CCSER1: variants seen among roughly 807,000 people sequenced by gnomAD.
The protein encoded by CCSER1 is serine-rich coiled-coil domain-containing protein 1.
In CCSER1, 41 loss-of-function variants were observed where a neutral mutation model predicts 82.0. The observed-to-expected ratio is 0.50, with a 90% CI of 0.39 to 0.65. The LOEUF (loss-of-function observed/expected upper bound fraction) is 0.65, where lower values mean the gene tolerates loss of function less well. Among genes scored for constraint, CCSER1 ranks in the 30% least tolerant of loss-of-function variants. The probability of loss-of-function intolerance (pLI) is 0.00; values close to 1 mark genes in which losing one functional copy is unlikely to be tolerated. For synonymous variants in CCSER1, 414 were observed against 383.9 expected, an observed-to-expected ratio of 1.08 and a Z score of -0.92; for missense variants, 1,119 against 1,064.2, an observed-to-expected ratio of 1.05 and a Z score of -0.72.
intron 10 of CCSER1, among the ~76,000 whole-genome samples, chr4:91,453,782 A>G (rs530234779): frequency 6.6e-6 from 1 of 152,226 alleles, no homozygotes; most frequent in African/African-American, 2.4e-5. Context: ...AACAGAAGAA[A>G]TTATATAAAG....
intron 3 of CCSER1, among the ~76,000 whole-genome samples, chr4:90,391,543 TA>T (rs1561153108): frequency 8.1e-6 from 1 of 123,866 alleles, no homozygotes; most frequent in African/African-American, 3.3e-5. Context: ...TGTGTACTCA[TA>T]AAATTAAAAA....
At chr4:90,416,169 CT>C (rs145076503) in intron 4 of CCSER1, among the ~76,000 whole-genome samples, 9,543 of 151,900 alleles carry the variant, frequency 0.063, 759 homozygotes, top group African/African-American at 0.19. Context: ...AAATCATTAC[CT>C]TTTTTTTACC....
chr4:91,355,798 C>A (rs1000646448), intron 10 of CCSER1, among the ~76,000 whole-genome samples: 28 of 152,142 alleles, frequency 1.8e-4, no homozygotes, highest in African/African-American at 6.8e-4. Flanking sequence ...AGCTCCCAGT[C>A]TACTGATGTG....
At chr4:91,129,318 A>G (rs1727798936) in intron 10 of CCSER1, among the ~76,000 whole-genome samples, 1 of 152,052 alleles carries the variant, frequency 6.6e-6, no homozygotes, top group African/African-American at 2.4e-5. Flanking sequence ...CTCAGAAATG[A>G]ATCATGATTC....
At chr4:90,830,367 A>G (rs1490319061) in intron 8 of CCSER1, among the ~76,000 whole-genome samples, 30 of 152,186 alleles carry the variant, frequency 2.0e-4, no homozygotes, top group Non-Finnish European at 2.9e-5. Context: ...GAATCTAAGC[A>G]TATGCAAATT....
intron 7 of CCSER1, among the ~76,000 whole-genome samples, chr4:90,801,554 A>C (rs894702413): frequency 1.3e-5 from 2 of 152,178 alleles, no homozygotes; most frequent in South Asian, 4.1e-4. Context: ...ATCTTAGGAG[A>C]TATGCCACTG....
intron 10 of CCSER1, among the ~76,000 whole-genome samples, chr4:91,317,552 C>A (rs1745917332): frequency 6.6e-6 from 1 of 151,500 alleles, no homozygotes; most frequent in Admixed American, 6.6e-5. Flanking sequence ...AACACATCTT[C>A]TAAGACTCAA....
chr4:91,433,925 T>C (rs1432678654), intron 10 of CCSER1, among the ~76,000 whole-genome samples: 1 of 152,120 alleles, frequency 6.6e-6, no homozygotes, highest in Non-Finnish European at 1.5e-5. Flanking sequence ...GTAAACTAAG[T>C]CTACCTGGAA....
chr4:91,076,687 G>T (rs1204555664), intron 9 of CCSER1, among the ~76,000 whole-genome samples: 1 of 152,108 alleles, frequency 6.6e-6, no homozygotes, highest in Non-Finnish European at 1.5e-5. Context: ...AGTTACATCT[G>T]TAAGTCTTGT....
At chr4:90,148,647 C>G (rs1469921407) in intron 1 of CCSER1, among the ~76,000 whole-genome samples, 1 of 152,086 alleles carries the variant, frequency 6.6e-6, no homozygotes, top group Non-Finnish European at 1.5e-5. Context: ...TCTTTTTTCC[C>G]AAACTCTATC....
chr4:90,153,599 C>G (rs1001347145), intron 1 of CCSER1, among the ~76,000 whole-genome samples: 2 of 152,070 alleles, frequency 1.3e-5, no homozygotes, highest in African/African-American at 4.8e-5. Context: ...GAGATGGTAT[C>G]TCATTGTGGT....
chr4:91,258,621 A>T (rs2149161720), intron 10 of CCSER1, among the ~76,000 whole-genome samples: 1 of 152,208 alleles, frequency 6.6e-6, no homozygotes, highest in South Asian at 2.1e-4. Flanking sequence ...AAGCTTAAAG[A>T]TATTGTGATT....
intron 8 of CCSER1, among the ~76,000 whole-genome samples, chr4:90,914,361 C>T (rs536944360): frequency 6.7e-4 from 102 of 152,292 alleles, no homozygotes; most frequent in South Asian, 1.5e-3. Flanking sequence ...CGCTCAACTA[C>T]ATGGAAACTG....
intron 10 of CCSER1, among the ~76,000 whole-genome samples, chr4:91,527,984 G>T (rs999284868): frequency 6.6e-6 from 1 of 151,902 alleles, no homozygotes; most frequent in South Asian, 2.1e-4. Context: ...TCGCGATCTC[G>T]GCTCCCTGCA....
At chr4:90,390,884 C>G (rs1750884297) in intron 3 of CCSER1, among the ~76,000 whole-genome samples, 2 of 152,230 alleles carry the variant, frequency 1.3e-5, no homozygotes, top group Non-Finnish European at 2.9e-5. Flanking sequence ...AGTGGCTCAA[C>G]TAGTTTACAT....
At chr4:91,431,718 C>T (rs1407893428) in intron 10 of CCSER1, among the ~76,000 whole-genome samples, 1 of 152,166 alleles carries the variant, frequency 6.6e-6, no homozygotes, top group Non-Finnish European at 1.5e-5. Context: ...CTGTCTGCCT[C>T]GGCCTCCCAA....
At chr4:91,303,771 G>A (rs1181170237) in intron 10 of CCSER1, among the ~76,000 whole-genome samples, 1 of 151,918 alleles carries the variant, frequency 6.6e-6, no homozygotes, top group Non-Finnish European at 1.5e-5. Context: ...CTCCAACCTG[G>A]ACAATGGACT....
chr4:90,831,152 T>C (rs1182812419), intron 8 of CCSER1, among the ~76,000 whole-genome samples: 1 of 152,094 alleles, frequency 6.6e-6, no homozygotes, highest in Non-Finnish European at 1.5e-5. Flanking sequence ...GGTTCTACAC[T>C]ACCTTTGCTG....
chr4:90,887,321 C>A (rs994062686), intron 8 of CCSER1, among the ~76,000 whole-genome samples: 1 of 151,984 alleles, frequency 6.6e-6, no homozygotes, highest in Admixed American at 6.6e-5. Context: ...TTTTTATTTA[C>A]CCCTGCTTGA....
Sources: gnomAD v4.1 joint callset for allele counts (sites outside exome capture counted in the v4.1 genomes callset) on GRCh38, gnomAD v4.1.1 for gene constraint, MANE v1.5 for transcripts, NCBI Gene and HGNC (gene_info 2026-07-23, HGNC 2026-07-21) for gene names.